ITFG2: variants seen among roughly 807,000 people sequenced by gnomAD.
ITFG2 encodes the protein integrin alpha FG-GAP repeat containing 2, also known as KICSTOR complex protein ITFG2.
ITFG2 carries 36 observed loss-of-function variants against 54.4 expected under a neutral mutation model. The observed-to-expected ratio is 0.66, with a 90% CI of 0.51 to 0.87. The LOEUF is 0.87. Among genes scored for constraint, ITFG2 ranks in the 40% least tolerant of loss-of-function variants. The pLI is 0.00. For synonymous variants in ITFG2, 211 were observed against 225.4 expected (o/e 0.94, Z 0.57); for missense variants, 524 against 576.7 (o/e 0.91, Z 0.94).
intron 7 of ITFG2, 53 bp from the exon 8 acceptor site, chr12:2,821,490 G>T: frequency 1.3e-6 from 2 of 1,597,530 alleles, no homozygotes; most frequent in Non-Finnish European, 1.7e-6. Flanking sequence ...CCCTCTCCCC[G>T]TAGGCTCTGA....
At chr12:2,836,193 G>T (rs570920027), upstream of ITFG2, among the ~76,000 whole-genome samples, 2 of 152,318 alleles carry the variant, frequency 1.3e-5, no homozygotes, top group Admixed American at 1.3e-4. Flanking sequence ...TTGGCATATT[G>T]CCAGAGTGTT....
At chr12:2,849,453 A>G (rs2098063145) in intron 2 of ITFG2, 1 of 1,536,124 alleles carries the variant, frequency 6.5e-7, no homozygotes, top group East Asian at 2.4e-5. Context: ...TGGCGAAATT[A>G]TTGGGAAACG....
chr12:2,838,287 C>A (rs2098033285), intron 1 of ITFG2, among the ~76,000 whole-genome samples: 1 of 152,226 alleles, frequency 6.6e-6, no homozygotes. Flanking sequence ...CTTAGCAATT[C>A]ATTCCTTTGG....
At chr12:2,846,487 C>T (rs959087597) in intron 2 of ITFG2, among the ~76,000 whole-genome samples, 1 of 152,114 alleles carries the variant, frequency 6.6e-6, no homozygotes, top group Non-Finnish European at 1.5e-5. Context: ...CCCTCCCGTC[C>T]TCTCGCCAGG....
In ITFG2 at chr12:2,824,553, G is replaced by A. The variant is rs1294729342; in HGVS notation, c.*360G>A. On this transcript the variant is annotated 3_prime_UTR_variant, in exon 12 of 12. Transcript: ENST00000228799. Reference sequence around the variant, plus strand: ...GGCCCCAACACCCATAAGGAAACCAGGCTTTAGGCCCAGGGGAGCAGTGGA... The same window carrying A: ...GGCCCCAACACCCATAAGGAAACCAAGCTTTAGGCCCAGGGGAGCAGTGGA... 3.3e-6 allele frequency: 1 copy of A among 303,472 alleles called. No homozygotes were observed. The allele number at this position is 303,472 out of a possible 1,614,324, so 18.8% of individuals were successfully genotyped here.
chr12:2,845,568 T>C lies in ITFG2; in HGVS notation n.300+4573T>C, dbSNP rs1282598511. On this transcript the variant is annotated intron_variant and non_coding_transcript_variant, in intron 2 of 3. Coordinates refer to the ITFG2 transcript ENST00000537710. This position sits in a 1 kb window ranked among gnomAD's most constrained non-coding sequence, Gnocchi z 4.2. ...CGGAAATGGCTGGGAAGACTTCCTT[T>C]GCTGGGATTAACTGTTGTCCGTGAA... 6.6e-6 allele frequency among the ~76,000 whole-genome samples: 1 copy of C among 152,134 alleles called. No homozygotes were observed. Among genetic ancestry groups the C allele is most frequent in the Non-Finnish European group, 1.5e-5 (1 of 68,024 alleles).
At chr12:2,832,359 C>T (rs1055159128), upstream of ITFG2, among the ~76,000 whole-genome samples, 1 of 151,984 alleles carries the variant, frequency 6.6e-6, no homozygotes, top group African/African-American at 2.4e-5. Context: ...TGTTTATGGG[C>T]CCCAGAAGCA....
At chr12:2,832,196 C>T (rs1265725009), upstream of ITFG2, among the ~76,000 whole-genome samples, 2 of 152,040 alleles carry the variant, frequency 1.3e-5, no homozygotes, top group Admixed American at 1.3e-4. Context: ...TGAGAAGCAC[C>T]AAAGTAAAAC....
In ITFG2 at chr12:2,823,618, G is replaced by A. The variant is rs1243861745; in HGVS notation, c.1067-152G>A. 9.3e-6 allele frequency: 9 copies of A among 967,248 alleles called. No individual in the cohort carries two copies. The East Asian group carries it at 2.2e-4, about 24-fold the overall frequency. The allele number at this position is 967,248 out of a possible 1,614,324, so 59.9% of individuals were successfully genotyped here. On this transcript the variant is annotated intron_variant, in intron 10 of 11. Transcript: ENST00000228799. ...TTTCCCATCTTACTTGTTTTACTGA[G>A]TTCCCAACAGAGAAGAAATAACCTT...
At chr12:2,843,343 G>C (rs1194040109) in intron 2 of ITFG2, among the ~76,000 whole-genome samples, 1 of 152,224 alleles carries the variant, frequency 6.6e-6, no homozygotes, top group Non-Finnish European at 1.5e-5. Flanking sequence ...CCATCCCAAA[G>C]AGGTGGATCT....
intron 2 of ITFG2, 69 bp downstream of exon 2, chr12:2,817,387 A>G (rs1260589605): frequency 2.8e-6 from 3 of 1,089,046 alleles, no homozygotes; most frequent in Admixed American, 3.9e-5. Flanking sequence ...ACCTAGGGTG[A>G]GCCCCACACA....
chr12:2,822,856 C>T lies in ITFG2; in HGVS notation c.1011C>T (p.His337=). The T allele has an allele frequency of 1.2e-6, 2 of 1,614,160 alleles. No homozygotes were observed. Among genetic ancestry groups the T allele is most frequent in the African/African-American group, 1.3e-5 (1 of 75,024 alleles). Reference sequence around the variant, plus strand: ...ATGGACAGACATATATCATTGATCACAACCGCACCGTCGTCCGCTTCCAAG... The same window carrying T: ...ATGGACAGACATATATCATTGATCATAACCGCACCGTCGTCCGCTTCCAAG... ...AWDGQTYIID[H]NRTVVRFQVD... is the part of the protein sequence containing the mutation. The change falls in exon 10 of 12, where the codon CAC becomes CAT. Residue 337 remains histidine (H), a synonymous_variant. Transcript: ENST00000228799.
intron 2 of ITFG2, among the ~76,000 whole-genome samples, chr12:2,855,915 CA>C (rs1354580533): frequency 1.3e-5 from 2 of 152,024 alleles, no homozygotes; most frequent in African/African-American, 4.8e-5. Context: ...AAAATAGGGC[CA>C]GGGGTTTTCC....
chr12:2,819,876 CAG>C (rs1565412394), intron 4 of ITFG2: 5 of 457,370 alleles, frequency 1.1e-5, no homozygotes, highest in Admixed American at 4.0e-5. Context: ...AATATGAAGG[CAG>C]AGAGCGGATA....
downstream of ITFG2, chr12:2,827,848 T>A: frequency 6.2e-7 from 1 of 1,608,834 alleles, no homozygotes. This position sits in a 1 kb window ranked among gnomAD's most constrained non-coding sequence, Gnocchi z 4.0. Flanking sequence ...CTGCAGGGAG[T>A]GAAAGTCTCA....
At chr12:2,832,022 A>C (rs1047844454), upstream of ITFG2, among the ~76,000 whole-genome samples, 1 of 152,068 alleles carries the variant, frequency 6.6e-6, no homozygotes, top group South Asian at 2.1e-4. Flanking sequence ...ATCTGCTTGG[A>C]GCTTCAGCCT....
chr12:2,827,100 G>A (rs985423549), downstream of ITFG2: 1 of 1,557,614 alleles, frequency 6.4e-7, no homozygotes, highest in South Asian at 1.2e-5. This position sits in a 1 kb window ranked among gnomAD's most constrained non-coding sequence, Gnocchi z 4.0. Flanking sequence ...TGATTGGAAG[G>A]GCAGACACCA....
At chr12:2,830,853 C>G in exon 3 of ITFG2, 2 of 1,612,508 alleles carry the variant, frequency 1.2e-6, no homozygotes, top group South Asian at 2.2e-5. Context: ...GATCACACTG[C>G]GCGGCTGCTG....
chr12:2,852,618 G>T (rs75217614), intron 2 of ITFG2, among the ~76,000 whole-genome samples: 21,191 of 151,940 alleles, frequency 0.14, 1,602 homozygotes, highest in South Asian at 0.29. Context: ...TCCCACTTCG[G>T]CCTCCCAAAG....
Sources: gnomAD v4.1 joint callset for allele counts (sites outside exome capture counted in the v4.1 genomes callset) on GRCh38, gnomAD v4.1.1 for gene constraint, Gnocchi (gnomAD v3.1) non-coding constraint, MANE v1.5 for transcripts, NCBI Gene and HGNC (gene_info 2026-07-23, HGNC 2026-07-21) for gene names.